The following BTNL9 variants were observed in gnomAD, a reference collection of about 807,000 sequenced individuals.
The protein encoded by BTNL9 is butyrophilin-like protein 9.
A neutral mutation model predicts 45.8 loss-of-function variants in BTNL9; 45 were observed. The observed-to-expected ratio is 0.98, with a 90% CI of 0.77 to 1.26. The LOEUF is 1.26. Ranked by LOEUF, BTNL9 falls within the 50% of genes most tolerant of loss-of-function variation. The pLI is 0.00. For synonymous variants in BTNL9, 346 were observed against 330.8 expected (o/e 1.05, Z -0.50); for missense variants, 784 against 729.7 (o/e 1.07, Z -0.86).
intron 1 of BTNL9, 107 bp from the exon 2 acceptor site, chr5:181,045,360 A>C (rs1175331103): frequency 1.6e-6 from 1 of 640,690 alleles, no homozygotes; most frequent in Admixed American, 2.4e-5. Context: ...GAATTTGAGA[A>C]CTAGACAAAA....
intron 4 of BTNL9, among the ~76,000 whole-genome samples, chr5:181,051,419 T>C (rs1761533623): frequency 6.6e-6 from 1 of 152,172 alleles, no homozygotes; most frequent in African/African-American, 2.4e-5. Flanking sequence ...AATGCACACA[T>C]GTTCTCAAGA....
In BTNL9 at chr5:181,061,517, T is replaced by G. The variant is rs540230834; in HGVS notation, c.*1655T>G. ...TGTAATAAAGGGGAAAACACTTTTT[T>G]TAAATACTCATATTCAAAATCATTC... On this transcript the variant is annotated 3_prime_UTR_variant, in exon 11 of 11. Coordinates refer to ENST00000327705, the MANE Select transcript of BTNL9 (RefSeq NM_152547.5). 15 of 152,392 alleles carry G rather than the reference T, an allele frequency of 9.8e-5. No individual in the cohort carries two copies. In the East Asian group the frequency reaches 2.7e-3, roughly 27 times the overall value. The allele number at this position is 152,392 out of a possible 1,614,324, so 9.4% of individuals were successfully genotyped here.
Position 181,053,163 on chromosome 5 carries a change from C to T in BTNL9, c.737-37C>T. The T allele has an allele frequency of 1.3e-6, 2 of 1,530,160 alleles. No individual in the cohort carries two copies. The highest frequency in any genetic ancestry group is 1.8e-6 in the Non-Finnish European group (2 of 1,129,704). The allele number at this position is 1,530,160 out of a possible 1,614,324, so 94.8% of individuals were successfully genotyped here. ...GGTCTCGCCTCTCGGTGCTCAGCGG[C>T]GCCTGGACCGACACGGCCCCCGCGG... On this transcript the variant is annotated intron_variant, in intron 4 of 10. Coordinates refer to ENST00000327705, the MANE Select transcript of BTNL9 (RefSeq NM_152547.5). The surrounding 1 kb of genome is among the most constrained non-coding windows in gnomAD (Gnocchi z 6.5).
At chr5:181,045,642 C>G (rs1332632318) in intron 2 of BTNL9, 44 bp downstream of exon 2, 3 of 1,485,650 alleles carry the variant, frequency 2.0e-6, no homozygotes, top group East Asian at 2.3e-5. Flanking sequence ...GAACGCCACC[C>G]CTCCTGCCAG....
chr5:181,056,413 T>G, intron 9 of BTNL9: 4 of 648,618 alleles, frequency 6.2e-6, no homozygotes, highest in Non-Finnish European at 1.1e-5. Context: ...CATATGCATC[T>G]TAGTTCATGT....
Position 181,050,685 on chromosome 5 carries a change from A to G in BTNL9, c.736+316A>G, listed in dbSNP as rs1309991571. Among the ~76,000 whole-genome samples the G allele has an allele frequency of 6.6e-6, 1 of 152,164 alleles. No individual in the cohort carries two copies. The highest frequency in any genetic ancestry group is 2.4e-5 in the African/African-American group (1 of 41,434). On this transcript the variant is annotated intron_variant, in intron 4 of 10. Coordinates refer to ENST00000327705, the MANE Select transcript of BTNL9 (RefSeq NM_152547.5). This position sits in a 1 kb window ranked among gnomAD's most constrained non-coding sequence, Gnocchi z 4.9. The stretch of plus-strand genomic sequence containing the variant: ...TTCGTAATGCTGTCTCTCAAACAGT[A>G]TGTATTGAGTTTCCACAACGTGACC...
Position 181,055,392 on chromosome 5 carries a change from C to T in BTNL9, c.908-41C>T, listed in dbSNP as rs777582106. The T allele has an allele frequency of 6.2e-6, 10 of 1,614,024 alleles. No individual in the cohort carries two copies. Among genetic ancestry groups the T allele is most frequent in the Non-Finnish European group, 8.5e-6 (10 of 1,180,034 alleles). On this transcript the variant is annotated intron_variant, in intron 7 of 10. Transcript: ENST00000327705. The surrounding 1 kb of genome is among the most constrained non-coding windows in gnomAD (Gnocchi z 4.4). ...CCTGTCTTGGGAAGATGGTTCCACCCACCTGCAGGCTGAAGTTTTCTTTGT... is the reference window on the plus strand; with the variant it reads ...CCTGTCTTGGGAAGATGGTTCCACCTACCTGCAGGCTGAAGTTTTCTTTGT...
rs1761493404 is a variant in BTNL9, at chr5:181,050,868, C to T, written c.736+499C>T. On this transcript the variant is annotated intron_variant, in intron 4 of 10. Transcript: ENST00000327705. This position sits in a 1 kb window ranked among gnomAD's most constrained non-coding sequence, Gnocchi z 4.9. ...CTTTGGGAGGCCAAGGCGGGTGGAT[C>T]ATGAGGTCAGGAGTTCAAGACCAGC... Among the ~76,000 whole-genome samples the T allele has an allele frequency of 2.0e-5, 3 of 151,990 alleles. No homozygotes were observed. In the South Asian group the frequency reaches 6.2e-4, roughly 32 times the overall value.
rs994480279 is a variant in BTNL9, at chr5:181,042,003, G to C, written c.-24+1571G>C. Among the ~76,000 whole-genome samples, 1 of 152,136 alleles carries C rather than the reference G, an allele frequency of 6.6e-6. No individual in the cohort carries two copies. The highest frequency in any genetic ancestry group is 2.4e-5 in the African/African-American group (1 of 41,418). ...AGTACTCATCTTTAAAGACAGACTC[G>C]ACGGAGGGACCGGAAATCAGAAAAA... On this transcript the variant is annotated intron_variant, in intron 1 of 10. Transcript: ENST00000327705. This position sits in a 1 kb window ranked among gnomAD's most constrained non-coding sequence, Gnocchi z 4.5.
chr5:181,058,114 A>G (rs1761977412), intron 9 of BTNL9, among the ~76,000 whole-genome samples: 1 of 152,204 alleles, frequency 6.6e-6, no homozygotes, highest in Non-Finnish European at 1.5e-5. Context: ...TTTTTCCAGC[A>G]GAATTTCAGC....
intron 7 of BTNL9, 71 bp downstream of exon 7, chr5:181,054,330 G>T: frequency 1.3e-6 from 2 of 1,588,720 alleles, no homozygotes; most frequent in Admixed American, 1.9e-5. Context: ...GGGAGGAGGG[G>T]CTCCCTTTGG....
chr5:181,055,632 G>A lies in BTNL9; in HGVS notation c.928+179G>A, dbSNP rs1761837484. The A allele has an allele frequency of 2.7e-6, 2 of 754,276 alleles. No individual in the cohort carries two copies. The highest frequency in any genetic ancestry group is 4.5e-5 in the Admixed American group (2 of 44,120). 46.7% of individuals were successfully genotyped at this position (754,276 alleles called of 1,614,324 possible). On this transcript the variant is annotated intron_variant, in intron 8 of 10. Transcript: ENST00000327705. This position sits in a 1 kb window ranked among gnomAD's most constrained non-coding sequence, Gnocchi z 4.4. Reference sequence around the variant, plus strand: ...AAAATACAAAAAATTAGCCCGGCGTGGCGGCATGTGCCTGTAGTCCCAGCT... The same window carrying A: ...AAAATACAAAAAATTAGCCCGGCGTAGCGGCATGTGCCTGTAGTCCCAGCT...
intron 6 of BTNL9, 75 bp from the exon 7 acceptor site, chr5:181,054,164 C>G (rs1207258328): frequency 1.9e-6 from 3 of 1,601,366 alleles, no homozygotes; most frequent in Non-Finnish European, 8.5e-7. Flanking sequence ...GTTCACCCAT[C>G]TGTTCTGTCT....
rs1031596223 is a variant in BTNL9, at chr5:181,059,315, G to T, written c.1061G>T (p.Gly354Val). The change falls in exon 11 of 11, where the codon GGG (glycine) becomes GTG (valine). Residue 354 changes from glycine (G) to valine (V), a missense_variant. Gly to Val is a moderately radical substitution (Grantham distance 109, BLOSUM62 -3). Transcript: ENST00000327705. The stretch of plus-strand genomic sequence containing the variant: ...GATGGCAAGAGCGTGTCTTCCCGCG[G>T]GGCGCCGCCAGGCCCGGCGCCTGGC... ...SEDGKSVSSRGAPPGPAPGHP... is the reference protein window; with the variant it reads ...SEDGKSVSSRVAPPGPAPGHP... 1 of 1,559,890 alleles carries T rather than the reference G, an allele frequency of 6.4e-7. No individual in the cohort carries two copies.
intron 2 of BTNL9, among the ~76,000 whole-genome samples, chr5:181,046,781 A>G (rs1266229917): frequency 6.6e-6 from 1 of 152,166 alleles, no homozygotes; most frequent in African/African-American, 2.4e-5. Flanking sequence ...TTGTTCCCGG[A>G]AAGCTGAGGA....
Position 181,047,763 on chromosome 5 carries a change from C to T in BTNL9, c.110-164C>T, listed in dbSNP as rs575449116. ...TTTAATCGTGCACTCAACGTTTTTTCGTAAAAATTACTTGTTCAAGGATCT... is the reference window on the plus strand; with the variant it reads ...TTTAATCGTGCACTCAACGTTTTTTTGTAAAAATTACTTGTTCAAGGATCT... On this transcript the variant is annotated intron_variant, in intron 2 of 10. Coordinates refer to ENST00000327705, the MANE Select transcript of BTNL9 (RefSeq NM_152547.5). 2.3e-4 allele frequency among the ~76,000 whole-genome samples: 35 copies of T among 152,256 alleles called. 1 individual carries two copies. The South Asian group carries it at 7.3e-3, about 32-fold the overall frequency.
rs759780493 is a variant in BTNL9, at chr5:181,059,270, C to G, written c.1016C>G (p.Pro339Arg). The G allele has an allele frequency of 5.1e-6, 8 of 1,571,044 alleles. No individual in the cohort carries two copies. In the East Asian group the frequency reaches 1.2e-4, roughly 23 times the overall value. ...ACGCTGGACCCGGCCTCGGCGCACC[C>G]CAGCCTGGAGGTGTCGGAGGATGGC... The part of the protein sequence containing the change: ...DVTLDPASAH[P>R]SLEVSEDGKS... The change falls in exon 11 of 11, where the codon CCC (proline) becomes CGC (arginine). Residue 339 changes from proline (P) to arginine (R), a missense_variant. By Grantham distance (103) the Pro-to-Arg change is moderately radical. Coordinates refer to ENST00000327705, the MANE Select transcript of BTNL9 (RefSeq NM_152547.5).
chr5:181,046,822 G>A (rs1385234722), intron 2 of BTNL9, among the ~76,000 whole-genome samples: 1 of 152,200 alleles, frequency 6.6e-6, no homozygotes. Context: ...AGTTGGAGCA[G>A]AGGCTTACAG....
chr5:181,044,417 G>A (rs1156951100), intron 1 of BTNL9, among the ~76,000 whole-genome samples: 4 of 152,142 alleles, frequency 2.6e-5, no homozygotes, highest in South Asian at 2.1e-4. Flanking sequence ...TTCCAACAAG[G>A]GCACTGTGAT....
Sources: gnomAD v4.1 joint callset for allele counts (sites outside exome capture counted in the v4.1 genomes callset) on GRCh38, gnomAD v4.1.1 for gene constraint, Gnocchi (gnomAD v3.1) non-coding constraint, MANE v1.5 for transcripts, NCBI Gene and HGNC (gene_info 2026-07-23, HGNC 2026-07-21) for gene names.